The following ULK4 variants were observed in gnomAD, a reference collection of about 807,000 sequenced individuals.
ULK4 encodes the protein unc-51 like kinase 4.
Under a neutral mutation model 160.6 loss-of-function variants are expected in ULK4, and 133 were observed. That is an observed-to-expected ratio of 0.83 (90% CI 0.72 to 0.96). The LOEUF (loss-of-function observed/expected upper bound fraction) is 0.96, where lower values mean the gene tolerates loss of function less well. Ranked by LOEUF, ULK4 falls within the 40% of genes least tolerant of loss-of-function variation. ULK4 has a pLI of 0.00. For missense variants in ULK4, 1,580 were observed against 1,499.5 expected, an observed-to-expected ratio of 1.05 and a Z score of -0.89; for synonymous variants, 534 against 539.8, an observed-to-expected ratio of 0.99 and a Z score of 0.15.
chr3:41,897,120 G>T, intron 14 of ULK4, 117 bp from the exon 15 acceptor site: 1 of 825,162 alleles, frequency 1.2e-6, no homozygotes, highest in Non-Finnish European at 1.8e-6. Flanking sequence ...ACATTACACT[G>T]TCAAAACCAA....
chr3:41,929,002 A>C (rs972954918), intron 5 of ULK4, among the ~76,000 whole-genome samples: 4 of 152,132 alleles, frequency 2.6e-5, no homozygotes, highest in African/African-American at 9.7e-5. Flanking sequence ...TGAGGCCAGC[A>C]TCATCCTGAT....
chr3:41,817,985 A>C (rs1212664626), intron 19 of ULK4, among the ~76,000 whole-genome samples: 3 of 152,118 alleles, frequency 2.0e-5, no homozygotes, highest in African/African-American at 4.8e-5. Context: ...ATCTCACCCC[A>C]ATTAAAATGG....
At chr3:41,901,478 C>CTTTTTTTTTTTTTTTTTTTTTTTTTTT (rs1305478036) in intron 12 of ULK4, among the ~76,000 whole-genome samples, 2 of 22,946 alleles carry the variant, frequency 8.7e-5, no homozygotes, top group Admixed American at 8.5e-4. Flanking sequence ...CCACGCCCAG[C>CTTTTTTTTTTTTTTTTTTTTTTTTTTT]CTTTTTTTTT....
rs147070902 is a variant in ULK4 at position 41,515,189 on chromosome 3, G to A, written c.3226+50836C>T. 3.9e-5 allele frequency among the ~76,000 whole-genome samples: 6 copies of A among 152,068 alleles called. No homozygotes were observed. In the East Asian group the frequency reaches 5.8e-4, roughly 15 times the overall value. On this transcript the variant is annotated intron_variant, in intron 32 of 36. Transcript: ENST00000301831. ...GAAGAATGGCTTGAACTCGGGAGGT[G>A]GAGGTTGCAGTGAGCTGAGATCACA...
At chr3:41,365,385 T>C (rs527478556) in intron 35 of ULK4, among the ~76,000 whole-genome samples, 10 of 152,364 alleles carry the variant, frequency 6.6e-5, no homozygotes, top group African/African-American at 1.9e-4. Context: ...TTTCATGTCC[T>C]AATGTTTTGC....
intron 35 of ULK4, among the ~76,000 whole-genome samples, chr3:41,259,072 A>T (rs1050597678): frequency 4.0e-5 from 6 of 148,624 alleles, no homozygotes; most frequent in African/African-American, 1.5e-4. Flanking sequence ...ATATGTGTAT[A>T]TACATCTGAT....
In ULK4 at chr3:41,516,621, T is replaced by C. The variant is rs998900669; in HGVS notation, c.3226+49404A>G. ...CACATTTTCTCACTTATTTGTGTGA[T>C]CTAAAAATCAGAACAATTGAACTCA... On this transcript the variant is annotated intron_variant, in intron 32 of 36. Transcript: ENST00000301831. Among the ~76,000 whole-genome samples the C allele has an allele frequency of 3.0e-5, 4 of 135,486 alleles. No individual in the cohort carries two copies. The South Asian group carries it at 6.7e-4, about 23-fold the overall frequency. 88.9% of individuals were successfully genotyped at this position (135,486 alleles called of 152,430 possible).
chr3:41,826,246 T>C (rs1039226233), intron 18 of ULK4, among the ~76,000 whole-genome samples: 2 of 152,056 alleles, frequency 1.3e-5, no homozygotes, highest in African/African-American at 4.8e-5. Flanking sequence ...AGAAACTGAA[T>C]CAACTAACGA....
intron 35 of ULK4, among the ~76,000 whole-genome samples, chr3:41,357,703 G>T: frequency 6.6e-6 from 1 of 152,156 alleles, no homozygotes; most frequent in East Asian, 1.9e-4. Flanking sequence ...GCTCAGCATA[G>T]GTATAGGTCT....
chr3:41,721,255 A>ATTTTTT (rs67078042), intron 22 of ULK4, among the ~76,000 whole-genome samples: 22 of 45,034 alleles, frequency 4.9e-4, no homozygotes, highest in East Asian at 1.0e-3. Flanking sequence ...TTCGCTTTGA[A>ATTTTTT]TTTTTTTTTT....
chr3:41,538,001 A>G (rs370203582), intron 32 of ULK4, among the ~76,000 whole-genome samples: 3 of 150,778 alleles, frequency 2.0e-5, no homozygotes, highest in East Asian at 3.9e-4. Context: ...CTCATCAATG[A>G]TTTTCTTAAT....
intron 31 of ULK4, among the ~76,000 whole-genome samples, chr3:41,592,250 T>C (rs1254557471): frequency 2.0e-5 from 3 of 151,956 alleles, no homozygotes; most frequent in Non-Finnish European, 4.4e-5. Flanking sequence ...TGAGTCAATT[T>C]AGAGAGCTGA....
chr3:41,512,097 C>G (rs759254634), intron 32 of ULK4, among the ~76,000 whole-genome samples: 6 of 152,082 alleles, frequency 3.9e-5, no homozygotes, highest in Non-Finnish European at 8.8e-5. Context: ...GATTAAAACC[C>G]TCGGCAAAAC....
intron 17 of ULK4, among the ~76,000 whole-genome samples, chr3:41,860,848 T>C (rs775326261): frequency 6.6e-6 from 1 of 152,228 alleles, no homozygotes. Flanking sequence ...GGGGATATGA[T>C]TTAGTTTCTT....
At position 41,674,453 on chromosome 3, in the gene ULK4, C is replaced by T. The variant is rs184536760; in HGVS notation, c.2978+7055G>A. On this transcript the variant is annotated intron_variant, in intron 29 of 36. Coordinates refer to ENST00000301831, the MANE Select transcript of ULK4 (RefSeq NM_017886.4). The stretch of plus-strand genomic sequence containing the variant: ...TTGTCTCTCAGCTGAATAAAAATCA[C>T]GGTAATTTTCTGAGTATATGTGGTA... Among the ~76,000 whole-genome samples the T allele has an allele frequency of 7.2e-5, 11 of 152,270 alleles. No homozygotes were observed. The East Asian group carries it at 9.6e-4, about 13-fold the overall frequency.
At chr3:41,315,788 G>A (rs2080133550) in intron 35 of ULK4, among the ~76,000 whole-genome samples, 1 of 152,130 alleles carries the variant, frequency 6.6e-6, no homozygotes, top group African/African-American at 2.4e-5. Flanking sequence ...AAACATAGAT[G>A]CTCAATATCA....
At chr3:41,830,391 C>A (rs1014657126) in intron 18 of ULK4, among the ~76,000 whole-genome samples, 3 of 151,648 alleles carry the variant, frequency 2.0e-5, no homozygotes, top group Non-Finnish European at 4.4e-5. Context: ...GCATAAGATT[C>A]TAGAAAACGA....
intron 21 of ULK4, among the ~76,000 whole-genome samples, chr3:41,772,395 C>G (rs892661725): frequency 6.6e-6 from 1 of 151,980 alleles, no homozygotes; most frequent in Non-Finnish European, 1.5e-5. Context: ...GATATCACCA[C>G]CGATCCCACA....
At chr3:41,285,202 T>C (rs868475805) in intron 35 of ULK4, among the ~76,000 whole-genome samples, 5 of 152,070 alleles carry the variant, frequency 3.3e-5, no homozygotes, top group African/African-American at 4.8e-5. Flanking sequence ...GAACTAAAAG[T>C]AGAACTACCA....
Sources: gnomAD v4.1 joint callset for allele counts (sites outside exome capture counted in the v4.1 genomes callset) on GRCh38, gnomAD v4.1.1 for gene constraint, MANE v1.5 for transcripts, NCBI Gene and HGNC (gene_info 2026-07-23, HGNC 2026-07-21) for gene names.